LAMB4: variants seen among roughly 807,000 people sequenced by gnomAD.
The protein encoded by LAMB4 is laminin subunit beta 4.
In LAMB4, 196 loss-of-function variants were observed where a neutral mutation model predicts 199.2. That is an observed-to-expected ratio of 0.98 (90% confidence interval 0.88 to 1.11). The LOEUF (loss-of-function observed/expected upper bound fraction) is 1.11, where lower values mean the gene tolerates loss of function less well. Ranked by LOEUF, LAMB4 falls within the 50% of genes least tolerant of loss-of-function variation. The probability of loss-of-function intolerance (pLI) is 0.00; values close to 1 mark genes in which losing one functional copy is unlikely to be tolerated. For missense variants in LAMB4, 2,080 were observed against 2,171.2 expected (o/e 0.96, Z 0.83); for synonymous variants, 744 against 770.6 (o/e 0.97, Z 0.57).
intron 27 of LAMB4, among the ~76,000 whole-genome samples, chr7:108,048,980 C>T (rs2035740882): frequency 6.6e-6 from 1 of 152,148 alleles, no homozygotes; most frequent in African/African-American, 2.4e-5. Flanking sequence ...CGTGAGCCAC[C>T]GTGCCCAGCC....
chr7:108,029,077 A>C lies in LAMB4; in HGVS notation c.5112T>G (p.Ala1704=). 6.2e-7 allele frequency: 1 copy of C among 1,614,010 alleles called. No individual in the cohort carries two copies. Residue 1704 remains alanine (A), a synonymous_variant, in exon 33 of 34, where the codon GCT becomes GCG. Coordinates refer to ENST00000388781, the MANE Select transcript of LAMB4 (RefSeq NM_007356.3). ...KQLKDAAEKL[A]GDTEAKIRRI... is the part of the protein sequence containing the mutation. ...TTCTTATCTTGGCCTCTGTATCTCC[A>C]GCCAATTTTTCTGCCGCATCTTTTA...
chr7:108,046,279 T>C (rs1203635361), intron 28 of LAMB4, among the ~76,000 whole-genome samples: 3 of 148,664 alleles, frequency 2.0e-5, no homozygotes, highest in Non-Finnish European at 4.5e-5. Context: ...TTAGTAGAGA[T>C]GGGGTTTCAC....
At chr7:108,012,706 C>G in the LAMB4 span, among the ~76,000 whole-genome samples, 15 of 152,336 alleles carry the variant, frequency 9.8e-5, no homozygotes, top group Non-Finnish European at 5.9e-5. Flanking sequence ...AGTTCACATG[C>G]CTTAGTCAGC....
intron 3 of LAMB4, among the ~76,000 whole-genome samples, chr7:108,114,899 TG>T (rs2038355301): frequency 6.6e-6 from 1 of 152,188 alleles, no homozygotes; most frequent in African/African-American, 2.4e-5. Context: ...TTTATAAAAC[TG>T]ATCTTTAAGG....
rs774742262 is a variant in LAMB4 at position 108,111,795 on chromosome 7, G to A, written c.328+16C>T. On this transcript the variant is annotated intron_variant, in intron 4 of 33. Coordinates refer to ENST00000388781, the MANE Select transcript of LAMB4 (RefSeq NM_007356.3). ...TATTGAAGAAATAAACAACTGGAAA[G>A]GAACTTAAATCATACCATTTTCAGA... 3 of 1,605,896 alleles carry A rather than the reference G, an allele frequency of 1.9e-6. No homozygotes were observed. Among genetic ancestry groups the A allele is most frequent in the African/African-American group, 2.7e-5 (2 of 74,610 alleles).
At chr7:108,029,461 A>G (rs1191410974) in intron 32 of LAMB4, among the ~76,000 whole-genome samples, 1 of 152,222 alleles carries the variant, frequency 6.6e-6, no homozygotes, top group African/African-American at 2.4e-5. Context: ...ACTATGTCTG[A>G]GGCACCAATT....
intron 1 of LAMB4, 71 bp from the exon 2 acceptor site, chr7:108,123,268 A>G (rs1289042721): frequency 1.1e-6 from 1 of 927,452 alleles, no homozygotes; most frequent in Admixed American, 2.1e-5. Context: ...GTTATGTAAA[A>G]GTGCTTAGGG....
At chr7:108,066,328 T>C in intron 20 of LAMB4, 41 bp downstream of exon 20, 8 of 1,432,758 alleles carry the variant, frequency 5.6e-6, no homozygotes, top group Non-Finnish European at 7.8e-6. Flanking sequence ...TGGAACAAAG[T>C]GTTAAAGACC....
At position 108,024,027 on chromosome 7, in the gene LAMB4, C is replaced by G. The variant is rs535598349; in HGVS notation, c.*12G>C. On this transcript the variant is annotated 3_prime_UTR_variant, in exon 34 of 34. Coordinates refer to ENST00000388781, the MANE Select transcript of LAMB4 (RefSeq NM_007356.3). ...AGAAACAAAGGCACAAGCTTTTGCT[C>G]TTTAACTCTGCCTAGCTATAGCACC... 1 of 1,595,048 alleles carries G rather than the reference C, an allele frequency of 6.3e-7. No homozygotes were observed.
intron 15 of LAMB4, among the ~76,000 whole-genome samples, chr7:108,079,394 C>T (rs1354494207): frequency 2.0e-5 from 3 of 152,208 alleles, no homozygotes; most frequent in Non-Finnish European, 2.9e-5. Flanking sequence ...GCTGTAGCTT[C>T]TCTCCATGGG....
chr7:108,027,920 T>C (rs62468020), intron 33 of LAMB4, among the ~76,000 whole-genome samples: 2,958 of 152,194 alleles, frequency 0.019, 48 homozygotes, highest in Non-Finnish European at 0.03. Flanking sequence ...GTAGCTGGGA[T>C]TACAGGCATG....
chr7:108,064,737 G>A (rs1393826604), intron 21 of LAMB4, among the ~76,000 whole-genome samples: 2 of 152,122 alleles, frequency 1.3e-5, no homozygotes, highest in Non-Finnish European at 2.9e-5. Flanking sequence ...AACCTTAGAT[G>A]TAACAAATGA....
In LAMB4 at chr7:108,037,484, T is replaced by C; in HGVS notation, c.4583A>G (p.His1528Arg). The C allele has an allele frequency of 1.2e-6, 2 of 1,614,108 alleles. No homozygotes were observed. The highest frequency in any genetic ancestry group is 4.5e-5 in the East Asian group (2 of 44,882). ...LTDELVKIQKHMQLCEDYRTD... is the reference protein window; with the variant it reads ...LTDELVKIQKRMQLCEDYRTD... ...CCTGTAATCCTCACAGAGTTGCATA[T>C]GTTTCTGTATTTTGACAAGTTCATC... The change falls in exon 30 of 34, where the codon CAT (histidine) becomes CGT (arginine). Residue 1528 changes from histidine to arginine, a missense_variant. Transcript: ENST00000388781.
chr7:108,017,557 A>C, the LAMB4 span, among the ~76,000 whole-genome samples: 1 of 152,224 alleles, frequency 6.6e-6, no homozygotes, highest in South Asian at 2.1e-4. Flanking sequence ...TAAAGGACTT[A>C]AACGTGTGCA....
chr7:108,109,160 T>C lies in LAMB4; in HGVS notation c.402+11A>G, dbSNP rs778827234. ...AGATAAAAGAGGGGCAGCAGGCCTA[T>C]TAGTCTGTACCTTAAAGGTCAGGAT... On this transcript the variant is annotated intron_variant, in intron 5 of 33. Transcript: ENST00000388781. 1.9e-5 allele frequency: 31 copies of C among 1,591,102 alleles called. 1 individual carries two copies. In the South Asian group the frequency reaches 3.0e-4, roughly 15 times the overall value.
intron 4 of LAMB4, among the ~76,000 whole-genome samples, chr7:108,109,839 T>C (rs2038156376): frequency 6.6e-6 from 1 of 152,156 alleles, no homozygotes; most frequent in African/African-American, 2.4e-5. Flanking sequence ...GTATCAGCCC[T>C]AACCTGGACA....
the LAMB4 span, among the ~76,000 whole-genome samples, chr7:108,015,658 T>A: frequency 6.6e-6 from 1 of 152,068 alleles, no homozygotes; most frequent in African/African-American, 2.4e-5. Flanking sequence ...ATACATTTGG[T>A]AACATCAAGC....
intron 14 of LAMB4, among the ~76,000 whole-genome samples, chr7:108,085,804 G>A (rs1003159868): frequency 4.6e-5 from 7 of 152,004 alleles, no homozygotes; most frequent in South Asian, 4.2e-4. Context: ...TAATAGAGAC[G>A]GGGTTTCACC....
chr7:108,096,939 C>CAAA (rs746917278), intron 11 of LAMB4, among the ~76,000 whole-genome samples: 49 of 52,826 alleles, frequency 9.3e-4, no homozygotes, highest in Admixed American at 1.1e-3. Context: ...CTGTCTCTCT[C>CAAA]AAAAAAAAAA....
Sources: gnomAD v4.1 joint callset for allele counts (sites outside exome capture counted in the v4.1 genomes callset) on GRCh38, gnomAD v4.1.1 for gene constraint, MANE v1.5 for transcripts, NCBI Gene and HGNC (gene_info 2026-07-23, HGNC 2026-07-21) for gene names.